MAP2K6: variants seen among roughly 807,000 people sequenced by gnomAD.
MAP2K6 encodes the protein dual specificity mitogen-activated protein kinase kinase 6.
A neutral mutation model predicts 53.7 loss-of-function variants in MAP2K6; 16 were observed. That is an observed-to-expected ratio of 0.30 (90% CI 0.20 to 0.45). The LOEUF is 0.45. Ranked by LOEUF, MAP2K6 falls within the 20% of genes least tolerant of loss-of-function variation. MAP2K6 has a pLI of 1.00. For missense variants in MAP2K6, 204 were observed against 411.9 expected (o/e 0.50, Z 4.37); for synonymous variants, 132 against 143.1 (o/e 0.92, Z 0.55).
intron 2 of MAP2K6, among the ~76,000 whole-genome samples, chr17:69,509,962 C>T (rs1909730902): frequency 6.6e-6 from 1 of 152,072 alleles, no homozygotes; most frequent in Non-Finnish European, 1.5e-5. Context: ...CCCATCTCAG[C>T]CTCCAAAGTA....
Position 69,525,564 on chromosome 17 carries a change from G to A in MAP2K6, c.741+586G>A, listed in dbSNP as rs149208808. Among the ~76,000 whole-genome samples the A allele has an allele frequency of 8.9e-3, 1,355 of 152,308 alleles. 10 individuals carry two copies. Among genetic ancestry groups the A allele is most frequent in the Middle Eastern group, 0.031 (9 of 294 alleles). The stretch of plus-strand genomic sequence containing the variant: ...TTCCATGCAGCTGGGGAGGCCTCAC[G>A]ATCATGGCGGAAGGTGAAAGGCACA... On this transcript the variant is annotated intron_variant, in intron 9 of 11. Coordinates refer to ENST00000590474, the MANE Select transcript of MAP2K6 (RefSeq NM_002758.4).
At chr17:69,523,980 T>C (rs1910629830) in intron 8 of MAP2K6, among the ~76,000 whole-genome samples, 1 of 152,170 alleles carries the variant, frequency 6.6e-6, no homozygotes, top group South Asian at 2.1e-4. Flanking sequence ...CTCAGGATCA[T>C]ACATAGCACC....
intron 10 of MAP2K6, among the ~76,000 whole-genome samples, chr17:69,527,019 A>G (rs1910811419): frequency 6.6e-6 from 1 of 152,184 alleles, no homozygotes; most frequent in African/African-American, 2.4e-5. Context: ...TCTGGAGGAG[A>G]TAAATCTGGA....
chr17:69,525,078 T>TG (rs1910697079), intron 9 of MAP2K6, 100 bp downstream of exon 9: 2 of 937,184 alleles, frequency 2.1e-6, no homozygotes, highest in East Asian at 5.0e-5. Flanking sequence ...AATGCTGGTT[T>TG]GGGGCGCCCT....
chr17:69,462,562 G>A (rs1208349940), intron 1 of MAP2K6, among the ~76,000 whole-genome samples: 4 of 152,094 alleles, frequency 2.6e-5, no homozygotes, highest in South Asian at 2.1e-4. Flanking sequence ...TCAGAACTAC[G>A]GTTTCTTTTT....
intron 1 of MAP2K6, among the ~76,000 whole-genome samples, chr17:69,493,854 G>A (rs1456813201): frequency 6.6e-6 from 1 of 152,020 alleles, no homozygotes; most frequent in African/African-American, 2.4e-5. Context: ...TTGTACCCTT[G>A]TACCCATCAA....
At chr17:69,460,914 A>G (rs1391798964) in intron 1 of MAP2K6, among the ~76,000 whole-genome samples, 1 of 152,156 alleles carries the variant, frequency 6.6e-6, no homozygotes, top group African/African-American at 2.4e-5. Flanking sequence ...TGCAGTATTA[A>G]GAAGTGACAT....
chr17:69,500,210 C>T (rs911490318), intron 1 of MAP2K6, among the ~76,000 whole-genome samples: 2 of 151,904 alleles, frequency 1.3e-5, no homozygotes, highest in South Asian at 2.1e-4. Context: ...GAGGCTAAGG[C>T]GGGCGGATAA....
At chr17:69,439,389 C>T (rs1236678022) in intron 1 of MAP2K6, among the ~76,000 whole-genome samples, 4 of 152,120 alleles carry the variant, frequency 2.6e-5, no homozygotes, top group African/African-American at 7.2e-5. Context: ...CATCAATTCT[C>T]GATTTCCTCT....
At chr17:69,534,213 C>A (rs116979223) in intron 10 of MAP2K6, among the ~76,000 whole-genome samples, 7 of 152,188 alleles carry the variant, frequency 4.6e-5, no homozygotes, top group Non-Finnish European at 1.0e-4. Context: ...GAACCACCCA[C>A]GTAGACTCTC....
At chr17:69,465,704 C>T (rs963848135) in intron 1 of MAP2K6, among the ~76,000 whole-genome samples, 21 of 151,862 alleles carry the variant, frequency 1.4e-4, no homozygotes, top group Middle Eastern at 6.8e-3. Flanking sequence ...ACTGCAACCC[C>T]TGCCTCCTGA....
At chr17:69,449,595 C>T (rs1434958516) in intron 1 of MAP2K6, among the ~76,000 whole-genome samples, 136 of 95,060 alleles carry the variant, frequency 1.4e-3, no homozygotes, top group Non-Finnish European at 2.1e-3. Context: ...CTTTCTTTTT[C>T]TTTCTTTCTC....
chr17:69,508,672 A>T (rs1010801444), intron 2 of MAP2K6, among the ~76,000 whole-genome samples: 10 of 152,224 alleles, frequency 6.6e-5, no homozygotes, highest in African/African-American at 2.4e-4. Context: ...ACTTTTACAG[A>T]TCATGCTTTT....
chr17:69,502,902 G>A (rs1300375236), intron 1 of MAP2K6, among the ~76,000 whole-genome samples: 1 of 152,188 alleles, frequency 6.6e-6, no homozygotes, highest in African/African-American at 2.4e-5. Flanking sequence ...ATTAATTGCT[G>A]TTAAGAATTG....
intron 8 of MAP2K6, among the ~76,000 whole-genome samples, chr17:69,524,137 G>A (rs1187221702): frequency 1.3e-5 from 2 of 152,028 alleles, no homozygotes; most frequent in African/African-American, 4.8e-5. Flanking sequence ...CCACATGTGC[G>A]ATTAGGTTTT....
chr17:69,537,121 C>T (rs1911401554), intron 11 of MAP2K6, among the ~76,000 whole-genome samples: 1 of 151,126 alleles, frequency 6.6e-6, no homozygotes. Flanking sequence ...ACTCTGGTAA[C>T]TACAATTCTA....
chr17:69,466,708 A>G (rs16966894), intron 1 of MAP2K6, among the ~76,000 whole-genome samples: 6,667 of 152,308 alleles, frequency 0.044, 496 homozygotes, highest in African/African-American at 0.15. Flanking sequence ...GGTTTAAAGC[A>G]TTATTCACAG....
chr17:69,520,173 G>A (rs929366410), intron 5 of MAP2K6, 97 bp from the exon 6 acceptor site: 5 of 663,416 alleles, frequency 7.5e-6, no homozygotes, highest in Admixed American at 3.2e-5. Context: ...GAAAGAAATA[G>A]TTAATTCTTC....
chr17:69,439,952 T>G (rs984144800), intron 1 of MAP2K6, among the ~76,000 whole-genome samples: 9 of 152,194 alleles, frequency 5.9e-5, no homozygotes, highest in African/African-American at 2.2e-4. Flanking sequence ...GCTACTATTA[T>G]TACCATTAAA....
Sources: gnomAD v4.1 joint callset for allele counts (sites outside exome capture counted in the v4.1 genomes callset) on GRCh38, gnomAD v4.1.1 for gene constraint, MANE v1.5 for transcripts, NCBI Gene and HGNC (gene_info 2026-07-23, HGNC 2026-07-21) for gene names.